The following CNTN6 variants were observed in gnomAD, a reference collection of about 807,000 sequenced individuals.
CNTN6 encodes the protein contactin 6.
In CNTN6, 137 loss-of-function variants were observed where a neutral mutation model predicts 122.8. The ratio of observed to expected loss-of-function variants is 1.12; its 90% CI spans 0.97 to 1.29. The LOEUF (loss-of-function observed/expected upper bound fraction) is 1.29, where lower values mean the gene tolerates loss of function less well. Among genes scored for constraint, CNTN6 ranks in the 50% most tolerant of loss-of-function variants. The probability of loss-of-function intolerance (pLI) is 0.00; values close to 1 mark genes in which losing one functional copy is unlikely to be tolerated. For missense variants in CNTN6, 1,634 were observed against 1,223.4 expected (o/e 1.34, Z -5.01); for synonymous variants, 570 against 426.0 (o/e 1.34, Z -4.16).
chr3:1,369,173 T>C (rs1372974404), intron 12 of CNTN6, among the ~76,000 whole-genome samples: 6 of 152,188 alleles, frequency 3.9e-5, no homozygotes, highest in Admixed American at 3.3e-4. Context: ...CACTACTACT[T>C]GCCTTTTACT....
chr3:1,101,433 G>C (rs775534816), intron 1 of CNTN6, among the ~76,000 whole-genome samples: 2 of 152,166 alleles, frequency 1.3e-5, no homozygotes, highest in African/African-American at 4.8e-5. Flanking sequence ...TAGTGGAAAA[G>C]AAATCCCTCT....
chr3:1,319,833 GAAAATAAAATAAAAT>G (rs61076777), intron 7 of CNTN6, among the ~76,000 whole-genome samples: 50 of 136,088 alleles, frequency 3.7e-4, no homozygotes, highest in African/African-American at 1.1e-3. Flanking sequence ...ACAGAGAGCA[GAAAATAAAATAAAAT>G]AAAATAAAAT....
At chr3:1,268,029 C>G (rs947834188) in intron 4 of CNTN6, among the ~76,000 whole-genome samples, 13 of 152,178 alleles carry the variant, frequency 8.5e-5, no homozygotes, top group Admixed American at 7.2e-4. Flanking sequence ...ATATTAATCC[C>G]AAGAAGCACA....
intron 7 of CNTN6, among the ~76,000 whole-genome samples, chr3:1,307,060 A>C (rs931597102): frequency 6.6e-6 from 1 of 152,168 alleles, no homozygotes; most frequent in Non-Finnish European, 1.5e-5. Context: ...CAAAGGACAG[A>C]CACTTGGCCC....
intron 20 of CNTN6, among the ~76,000 whole-genome samples, chr3:1,387,933 T>G (rs891511175): frequency 6.6e-6 from 1 of 152,052 alleles, no homozygotes; most frequent in Non-Finnish European, 1.5e-5. Flanking sequence ...TCTCGCTGAT[T>G]GCTAGCACAG....
chr3:1,248,221 T>G (rs945473013), intron 4 of CNTN6, among the ~76,000 whole-genome samples: 2 of 152,214 alleles, frequency 1.3e-5, no homozygotes, highest in Admixed American at 1.3e-4. Context: ...CATATTCTAG[T>G]TCTCAAATTG....
chr3:1,385,605 T>C lies in CNTN6; in HGVS notation c.2518-6T>C. 6.3e-7 allele frequency: 1 copy of C among 1,578,268 alleles called. No individual in the cohort carries two copies. The highest frequency in any genetic ancestry group is 8.6e-7 in the Non-Finnish European group (1 of 1,166,612). On this transcript the variant is annotated splice_region_variant and splice_polypyrimidine_tract_variant and intron_variant, in intron 19 of 22. Coordinates refer to ENST00000446702, the MANE Select transcript of CNTN6 (RefSeq NM_001289080.2). ...TAAATTGCTTGTTTTGGTTTTTAATTATCAGGTCTTATACTGGACAGATGA... is the reference window on the plus strand; with the variant it reads ...TAAATTGCTTGTTTTGGTTTTTAATCATCAGGTCTTATACTGGACAGATGA...
chr3:1,301,940 T>C (rs1025682651), intron 7 of CNTN6, among the ~76,000 whole-genome samples: 1 of 152,202 alleles, frequency 6.6e-6, no homozygotes, highest in African/African-American at 2.4e-5. Context: ...TTTGACACAT[T>C]GCAAACATAC....
At chr3:1,110,530 T>A (rs1194598809) in intron 1 of CNTN6, among the ~76,000 whole-genome samples, 1 of 152,098 alleles carries the variant, frequency 6.6e-6, no homozygotes, top group African/African-American at 2.4e-5. Context: ...TAAAATAGTA[T>A]CTTTCAAAGC....
chr3:1,331,160 T>C (rs1419312815), intron 11 of CNTN6, among the ~76,000 whole-genome samples: 1 of 151,932 alleles, frequency 6.6e-6, no homozygotes, highest in African/African-American at 2.4e-5. Flanking sequence ...ATCCATTCCA[T>C]TTACACAATG....
chr3:1,386,421 T>TAATC (rs1241431229), intron 20 of CNTN6, among the ~76,000 whole-genome samples: 9 of 152,184 alleles, frequency 5.9e-5, no homozygotes, highest in Admixed American at 3.3e-4. Context: ...TATCCCCTGA[T>TAATC]AATCAGCCAG....
At chr3:1,386,061 T>G (rs1692856581) in intron 20 of CNTN6, among the ~76,000 whole-genome samples, 1 of 152,224 alleles carries the variant, frequency 6.6e-6, no homozygotes, top group Admixed American at 6.5e-5. Context: ...AGACTGGCCC[T>G]GACGCCCTCC....
chr3:1,233,544 G>A (rs1162788695), intron 4 of CNTN6, among the ~76,000 whole-genome samples: 1 of 151,802 alleles, frequency 6.6e-6, no homozygotes, highest in African/African-American at 2.4e-5. Flanking sequence ...GACCAGCCTG[G>A]CCAACATAGT....
intron 5 of CNTN6, among the ~76,000 whole-genome samples, chr3:1,283,967 C>G (rs1693918127): frequency 6.6e-6 from 1 of 152,166 alleles, no homozygotes; most frequent in African/African-American, 2.4e-5. Flanking sequence ...CCTTTGCACT[C>G]CAGCCTGGGG....
chr3:1,390,946 T>C (rs1314915507), intron 20 of CNTN6, among the ~76,000 whole-genome samples: 1 of 148,880 alleles, frequency 6.7e-6, no homozygotes, highest in Non-Finnish European at 1.5e-5. Flanking sequence ...CAGGACCAGA[T>C]GGATTCACAG....
chr3:1,095,396 G>A (rs140981948), intron 1 of CNTN6, among the ~76,000 whole-genome samples: 7 of 152,202 alleles, frequency 4.6e-5, no homozygotes, highest in African/African-American at 1.7e-4. Context: ...ACTTGACCCC[G>A]GGAGGCGGAG....
At chr3:1,386,662 A>G (rs1426535033) in intron 20 of CNTN6, among the ~76,000 whole-genome samples, 1 of 152,096 alleles carries the variant, frequency 6.6e-6, no homozygotes, top group African/African-American at 2.4e-5. Context: ...ATTAATGAAC[A>G]CAAATTATTC....
At chr3:1,318,847 A>T (rs1051970300) in intron 7 of CNTN6, among the ~76,000 whole-genome samples, 1 of 151,760 alleles carries the variant, frequency 6.6e-6, no homozygotes, top group Non-Finnish European at 1.5e-5. Flanking sequence ...GCTTGAGGAC[A>T]GTGTCCAAAA....
chr3:1,372,599 A>C (rs748524506), intron 13 of CNTN6, 125 bp downstream of exon 13: 56 of 884,564 alleles, frequency 6.3e-5, no homozygotes, highest in Non-Finnish European at 9.1e-5. Flanking sequence ...TTTTGAAGCT[A>C]CATTTGTTTT....
Sources: gnomAD v4.1 joint callset for allele counts (sites outside exome capture counted in the v4.1 genomes callset) on GRCh38, gnomAD v4.1.1 for gene constraint, MANE v1.5 for transcripts, NCBI Gene and HGNC (gene_info 2026-07-23, HGNC 2026-07-21) for gene names.